B4GALT1: variants seen among roughly 807,000 people sequenced by gnomAD.
B4GALT1 encodes the protein beta-1,4-galactosyltransferase 1.
A neutral mutation model predicts 34.9 loss-of-function variants in B4GALT1; 16 were observed. The observed-to-expected ratio is 0.46, with a 90% CI of 0.31 to 0.70. The LOEUF (loss-of-function observed/expected upper bound fraction) is 0.70, where lower values mean the gene tolerates loss of function less well. Among genes scored for constraint, B4GALT1 ranks in the 30% least tolerant of loss-of-function variants. B4GALT1 has a pLI of 0.05. For synonymous variants in B4GALT1, 221 were observed against 218.1 expected, an observed-to-expected ratio of 1.01 and a Z score of -0.12; for missense variants, 445 against 530.5, an observed-to-expected ratio of 0.84 and a Z score of 1.58.
chr9:33,132,112 A>G (rs1840201287), intron 2 of B4GALT1, among the ~76,000 whole-genome samples: 1 of 152,050 alleles, frequency 6.6e-6, no homozygotes, highest in African/African-American at 2.4e-5. Context: ...AAAAAAAAGT[A>G]TGAGGAAAAG....
At chr9:33,153,640 A>C (rs1367925554) in intron 1 of B4GALT1, among the ~76,000 whole-genome samples, 10 of 152,222 alleles carry the variant, frequency 6.6e-5, no homozygotes. Flanking sequence ...TGGAAGACAC[A>C]AACTATCAAA....
intron 4 of B4GALT1, 141 bp from the exon 5 acceptor site, chr9:33,114,019 C>A: frequency 1.3e-6 from 1 of 775,252 alleles, no homozygotes; most frequent in East Asian, 2.6e-5. Flanking sequence ...TGCCAGAACC[C>A]AGCCCAGCAT....
intron 2 of B4GALT1, among the ~76,000 whole-genome samples, chr9:33,123,057 C>A (rs1371650486): frequency 3.3e-5 from 5 of 152,028 alleles, no homozygotes; most frequent in Admixed American, 3.3e-4. Flanking sequence ...GGCGGTGGAT[C>A]ACCTCAGGTC....
chr9:33,146,688 CTTTCT>C (rs1587743462), intron 1 of B4GALT1, among the ~76,000 whole-genome samples: 1 of 99,700 alleles, frequency 1.0e-5, no homozygotes, highest in African/African-American at 3.9e-5. Context: ...ATGCAATTTT[CTTTCT>C]TTTCTTTTTT....
intron 2 of B4GALT1, among the ~76,000 whole-genome samples, chr9:33,123,700 C>T (rs1840054455): frequency 6.6e-6 from 1 of 152,196 alleles, no homozygotes; most frequent in African/African-American, 2.4e-5. Context: ...TTGATCTAAG[C>T]AGAGGCCTAA....
At chr9:33,156,284 C>G (rs546768517) in intron 1 of B4GALT1, among the ~76,000 whole-genome samples, 1 of 152,094 alleles carries the variant, frequency 6.6e-6, no homozygotes, top group Non-Finnish European at 1.5e-5. Flanking sequence ...CAGGTGCATG[C>G]CACCACACCC....
At chr9:33,157,166 G>T (rs1414443161) in intron 1 of B4GALT1, among the ~76,000 whole-genome samples, 2 of 116,164 alleles carry the variant, frequency 1.7e-5, no homozygotes, top group East Asian at 3.1e-4. Flanking sequence ...ACACTGGCTG[G>T]AAGTGTCAGT....
chr9:33,142,028 G>C (rs1291630177), intron 1 of B4GALT1, among the ~76,000 whole-genome samples: 1 of 152,006 alleles, frequency 6.6e-6, no homozygotes, highest in African/African-American at 2.4e-5. Flanking sequence ...CTGTCGCCAG[G>C]CTAGAATGCA....
At chr9:33,150,420 AAAAC>A (rs1026205831) in intron 1 of B4GALT1, among the ~76,000 whole-genome samples, 17 of 151,952 alleles carry the variant, frequency 1.1e-4, no homozygotes, top group Non-Finnish European at 2.2e-4. Context: ...ATAAAAAAAA[AAAAC>A]AGAACTGGAT....
At position 33,113,198 on chromosome 9, in the gene B4GALT1, G is replaced by T. The variant is rs7019896; in HGVS notation, c.*256C>A. 0.94 allele frequency: 510,967 copies of T among 541,368 alleles called. 241,356 individuals are homozygous for T. The highest frequency in any genetic ancestry group is 1 in the East Asian group (29,695 of 29,700). 33.5% of individuals were successfully genotyped at this position (541,368 alleles called of 1,614,324 possible). On this transcript the variant is annotated 3_prime_UTR_variant, in exon 6 of 6. Coordinates refer to ENST00000379731, the MANE Select transcript of B4GALT1 (RefSeq NM_001497.4). Reference sequence around the variant, plus strand: ...TTGGGATGTGTACAGTTCTGACTCTGGGGTGACACTGCGAACACATCAAGA... The same window carrying T: ...TTGGGATGTGTACAGTTCTGACTCTTGGGTGACACTGCGAACACATCAAGA...
chr9:33,183,516 C>T, the B4GALT1 span, among the ~76,000 whole-genome samples: 2 of 137,642 alleles, frequency 1.5e-5, no homozygotes, highest in African/African-American at 5.5e-5. Flanking sequence ...TCATCATTCT[C>T]AGTAAACTAT....
chr9:33,117,014 C>T (rs997164495), intron 3 of B4GALT1, among the ~76,000 whole-genome samples: 7 of 152,174 alleles, frequency 4.6e-5, no homozygotes, highest in African/African-American at 1.7e-4. Flanking sequence ...CAAGAGCAGG[C>T]CTAGGCCCAG....
chr9:33,114,513 A>T (rs1269613524), intron 4 of B4GALT1, among the ~76,000 whole-genome samples: 1 of 148,144 alleles, frequency 6.8e-6, no homozygotes, highest in East Asian at 2.0e-4. Flanking sequence ...GGCCTAATAT[A>T]CAGTATTTCC....
intron 1 of B4GALT1, among the ~76,000 whole-genome samples, chr9:33,159,631 G>C (rs549826688): frequency 1.3e-5 from 2 of 152,334 alleles, no homozygotes; most frequent in Admixed American, 6.5e-5. Context: ...CTCCCTAAGA[G>C]AGCTTCTCCC....
intron 3 of B4GALT1, among the ~76,000 whole-genome samples, chr9:33,119,585 T>A (rs7859454): frequency 0.2 from 30,170 of 152,140 alleles, 3,306 homozygotes; most frequent in East Asian, 0.47. Context: ...ACATGCTGGC[T>A]CATGCCTGTA....
rs1467030107 is a variant in B4GALT1, at chr9:33,112,967, G to C, written c.*487C>G. The stretch of plus-strand genomic sequence containing the variant: ...TGCATACCACTGAAAGAAGGGGGTG[G>C]GGGGAGGACGTAACATTAAGAATGG... On this transcript the variant is annotated 3_prime_UTR_variant, in exon 6 of 6. Coordinates refer to ENST00000379731, the MANE Select transcript of B4GALT1 (RefSeq NM_001497.4). The C allele has an allele frequency of 4.1e-6, 1 of 246,058 alleles. No individual in the cohort carries two copies. The highest frequency in any genetic ancestry group is 8.1e-6 in the Non-Finnish European group (1 of 123,204). The allele number at this position is 246,058 out of a possible 1,614,324, so 15.2% of individuals were successfully genotyped here. A position where few individuals can be genotyped will look rare whatever the true frequency, so the allele number is the denominator to read the frequency against.
At chr9:33,182,784 T>A in the B4GALT1 span, among the ~76,000 whole-genome samples, 1 of 152,374 alleles carries the variant, frequency 6.6e-6, no homozygotes, top group Non-Finnish European at 1.5e-5. Flanking sequence ...TAACTTATTT[T>A]GACAAGCGAG....
At chr9:33,180,940 A>C in the B4GALT1 span, among the ~76,000 whole-genome samples, 1 of 152,070 alleles carries the variant, frequency 6.6e-6, no homozygotes, top group Non-Finnish European at 1.5e-5. Flanking sequence ...CTATCATCCA[A>C]CCCATATTTT....
intron 1 of B4GALT1, among the ~76,000 whole-genome samples, chr9:33,145,802 G>T (rs1220172410): frequency 6.6e-6 from 1 of 152,200 alleles, no homozygotes; most frequent in Non-Finnish European, 1.5e-5. Context: ...CTGTACCCAC[G>T]GGGATTCTGT....
Sources: allele counts gnomAD v4.1 joint callset (sites outside exome capture counted in the v4.1 genomes callset), GRCh38; gene constraint gnomAD v4.1.1; transcripts MANE v1.5; gene names NCBI Gene and HGNC (gene_info 2026-07-23, HGNC 2026-07-21).